Variants in SMARCD3 observed in about 807,000 individuals in gnomAD.
The protein encoded by SMARCD3 is SWI/SNF-related matrix-associated actin-dependent regulator of chromatin subfamily D member 3.
Under a neutral mutation model 58.0 loss-of-function variants are expected in SMARCD3, and 14 were observed. The observed-to-expected ratio is 0.24, with a 90% CI of 0.16 to 0.38. The LOEUF (loss-of-function observed/expected upper bound fraction) is 0.38. Ranked by LOEUF, SMARCD3 falls within the 10% of genes least tolerant of loss-of-function variation. SMARCD3 has a pLI of 1.00. For synonymous variants in SMARCD3, 253 were observed against 253.8 expected (o/e 1.00, Z 0.03); for missense variants, 408 against 636.9 (o/e 0.64, Z 3.87).
At position 151,246,634 on chromosome 7, in the gene SMARCD3, C is replaced by T. The variant is rs1485679530; in HGVS notation, c.79-963G>A. Among the ~76,000 whole-genome samples, 1 of 152,168 alleles carries T rather than the reference C, an allele frequency of 6.6e-6. No homozygotes were observed. Among genetic ancestry groups the T allele is most frequent in the Non-Finnish European group, 1.5e-5 (1 of 68,030 alleles). ...TCCCCACCCCAGTGAGGTCAGCAGT[C>T]AGGGTTCATGGGGGCTGTGGAGACT... On this transcript the variant is annotated intron_variant, in intron 1 of 12. Coordinates refer to ENST00000262188, the MANE Select transcript of SMARCD3 (RefSeq NM_001003801.2). The surrounding 1 kb of genome is among the most constrained non-coding windows in gnomAD (Gnocchi z 4.4).
At chr7:151,275,272 C>T in intron 1 of SMARCD3, 1 of 859,078 alleles carries the variant, frequency 1.2e-6, no homozygotes. Context: ...AGGTCAGACC[C>T]TGAGCCCCAG....
intron 2 of SMARCD3, among the ~76,000 whole-genome samples, chr7:151,270,708 G>A (rs1795149535): frequency 6.6e-6 from 1 of 152,178 alleles, no homozygotes; most frequent in African/African-American, 2.4e-5. Context: ...GTGAGGGCAC[G>A]AGAATGAAGC....
intron 2 of SMARCD3, among the ~76,000 whole-genome samples, chr7:151,256,180 CTT>C (rs79100193): frequency 2.8e-5 from 4 of 141,194 alleles, no homozygotes; most frequent in Non-Finnish European, 3.1e-5. Flanking sequence ...CTGCGCCTGG[CTT>C]TTTTTTTTTT....
chr7:151,271,342 C>A (rs943495130), intron 2 of SMARCD3, among the ~76,000 whole-genome samples: 3 of 152,098 alleles, frequency 2.0e-5, no homozygotes, highest in Admixed American at 2.0e-4. Context: ...TAAGCAAACC[C>A]AGGTTAGGGA....
chr7:151,267,777 G>A (rs1795045681), intron 2 of SMARCD3, among the ~76,000 whole-genome samples: 2 of 152,184 alleles, frequency 1.3e-5, no homozygotes, highest in African/African-American at 2.4e-5. Context: ...AAGAGTTTGA[G>A]ACCAGCCTGG....
rs1041458790 is a variant in SMARCD3 at position 151,240,804 on chromosome 7, G to A, written c.940-282C>T. The A allele has an allele frequency of 9.1e-6, 4 of 437,516 alleles. No homozygotes were observed. The Admixed American group carries it at 1.2e-4, about 13-fold the overall frequency. The allele number at this position is 437,516 out of a possible 1,614,324, so 27.1% of individuals were successfully genotyped here. A position where few individuals can be genotyped will look rare whatever the true frequency, so the allele number is the denominator to read the frequency against. ...CCTCTGCCACTTACTATGCAACCTG[G>A]AGCAAGTTAACACCTCAGGGCTCAG... On this transcript the variant is annotated intron_variant, in intron 8 of 12. Coordinates refer to ENST00000262188, the MANE Select transcript of SMARCD3 (RefSeq NM_001003801.2).
In SMARCD3 at chr7:151,248,068, A is replaced by T. The variant is rs1803358014; in HGVS notation, c.78+417T>A. On this transcript the variant is annotated intron_variant, in intron 1 of 12. Transcript: ENST00000262188. The surrounding 1 kb of genome is among the most constrained non-coding windows in gnomAD (Gnocchi z 6.1). ...TTGCTCCGGAGACACAAGCAGTGAC[A>T]CTGTCCCAACGGATGAACAGACAGC... is the stretch of plus-strand genomic sequence containing the variant. 6.6e-6 allele frequency among the ~76,000 whole-genome samples: 1 copy of T among 152,078 alleles called. No homozygotes were observed. The highest frequency in any genetic ancestry group is 6.5e-5 in the Admixed American group (1 of 15,290).
At chr7:151,256,827 T>C (rs1011011782) in intron 2 of SMARCD3, among the ~76,000 whole-genome samples, 10 of 152,112 alleles carry the variant, frequency 6.6e-5, no homozygotes, top group Non-Finnish European at 1.2e-4. Context: ...ACCCTCTGCC[T>C]GCCAGCAGCT....
chr7:151,245,388 G>T lies in SMARCD3; in HGVS notation c.290+72C>A. ...TCGCCCCTTCCAATCCCCGCTACTCGCTTACCTGGTCCCTGCGGGTCCCCC... is the reference window on the plus strand; with the variant it reads ...TCGCCCCTTCCAATCCCCGCTACTCTCTTACCTGGTCCCTGCGGGTCCCCC... On this transcript the variant is annotated intron_variant, in intron 2 of 12. Coordinates refer to ENST00000262188, the MANE Select transcript of SMARCD3 (RefSeq NM_001003801.2). The surrounding 1 kb of genome is among the most constrained non-coding windows in gnomAD (Gnocchi z 6.2). 1 of 566,340 alleles carries T rather than the reference G, an allele frequency of 1.8e-6. No homozygotes were observed. The highest frequency in any genetic ancestry group is 2.6e-6 in the Non-Finnish European group (1 of 383,368). The allele number at this position is 566,340 out of a possible 1,614,324, so 35.1% of individuals were successfully genotyped here. A position where few individuals can be genotyped will look rare whatever the true frequency, so the allele number is the denominator to read the frequency against.
chr7:151,245,367 C>T lies in SMARCD3; in HGVS notation c.290+93G>A, dbSNP rs537345352. 9.4e-5 allele frequency: 44 copies of T among 466,366 alleles called. No individual in the cohort carries two copies. The South Asian group carries it at 4.1e-3, about 44-fold the overall frequency. 28.9% of individuals were successfully genotyped at this position (466,366 alleles called of 1,614,324 possible). ...CTCCCTGCTAATCATTCTTCCTCGC[C>T]CCTTCCAATCCCCGCTACTCGCTTA... On this transcript the variant is annotated intron_variant, in intron 2 of 12. Coordinates refer to ENST00000262188, the MANE Select transcript of SMARCD3 (RefSeq NM_001003801.2). The surrounding 1 kb of genome is among the most constrained non-coding windows in gnomAD (Gnocchi z 6.2).
At chr7:151,266,265 C>T (rs1421210426) in intron 2 of SMARCD3, among the ~76,000 whole-genome samples, 2 of 151,830 alleles carry the variant, frequency 1.3e-5, no homozygotes, top group South Asian at 2.1e-4. Flanking sequence ...CCACCGCACC[C>T]GGCCATTTTT....
rs1319380857 is a variant in SMARCD3, at chr7:151,242,613, T to TA, written c.457-11dup. 1.9e-6 allele frequency: 3 copies of TA among 1,612,702 alleles called. No homozygotes were observed. The African/African-American group carries it at 4.0e-5, about 22-fold the overall frequency. On this transcript the variant is annotated splice_polypyrimidine_tract_variant and intron_variant, in intron 4 of 12. Transcript: ENST00000262188. This position sits in a 1 kb window ranked among gnomAD's most constrained non-coding sequence, Gnocchi z 4.7. ...GCAGCTTCCGCTTTTGCTGTAGAAATAGAGTGCAGAACCGGGCGAATGCTG... is the reference window on the plus strand; with the variant it reads ...GCAGCTTCCGCTTTTGCTGTAGAAATAAGAGTGCAGAACCGGGCGAATGCTG...
At position 151,243,828 on chromosome 7, in the gene SMARCD3, C is replaced by A; in HGVS notation, c.291-127G>T. 1 of 766,856 alleles carries A rather than the reference C, an allele frequency of 1.3e-6. No homozygotes were observed. The highest frequency in any genetic ancestry group is 2.4e-6 in the Non-Finnish European group (1 of 420,060). 47.5% of individuals were successfully genotyped at this position (766,856 alleles called of 1,614,324 possible). A position where few individuals can be genotyped will look rare whatever the true frequency, so the allele number is the denominator to read the frequency against. ...GGGTTCCCACAGCCCACTTGTCTGC[C>A]CGCCCAAGGGCTGTGACGGTGGTGT... On this transcript the variant is annotated intron_variant, in intron 2 of 12. Transcript: ENST00000262188. This position sits in a 1 kb window ranked among gnomAD's most constrained non-coding sequence, Gnocchi z 4.4.
chr7:151,245,803 A>T lies in SMARCD3; in HGVS notation c.79-132T>A. 1 of 381,404 alleles carries T rather than the reference A, an allele frequency of 2.6e-6. No individual in the cohort carries two copies. Among genetic ancestry groups the T allele is most frequent in the East Asian group, 3.7e-5 (1 of 26,898 alleles). The allele number at this position is 381,404 out of a possible 1,614,324, so 23.6% of individuals were successfully genotyped here. On this transcript the variant is annotated intron_variant, in intron 1 of 12. Transcript: ENST00000262188. This position sits in a 1 kb window ranked among gnomAD's most constrained non-coding sequence, Gnocchi z 6.2. ...GGCTGGTGACCCTGAGCGTTGAGCG[A>T]TGGGTGGGAGCGATGGGTAGGAGGG...
In SMARCD3 at chr7:151,239,043, C is replaced by T; in HGVS notation, c.*60G>A. 6.5e-7 allele frequency: 1 copy of T among 1,550,154 alleles called. No homozygotes were observed. The highest frequency in any genetic ancestry group is 8.9e-7 in the Non-Finnish European group (1 of 1,121,852). On this transcript the variant is annotated 3_prime_UTR_variant, in exon 13 of 13. Transcript: ENST00000262188. The surrounding 1 kb of genome is among the most constrained non-coding windows in gnomAD (Gnocchi z 7.0). ...AGAGGAGTGATGCTGGAGCCCGGGG[C>T]AAAATGCTGGGGCCCGGGACACGGC...
At chr7:151,257,345 T>G (rs542160357) in intron 2 of SMARCD3, among the ~76,000 whole-genome samples, 1 of 152,352 alleles carries the variant, frequency 6.6e-6, no homozygotes, top group Admixed American at 6.5e-5. Flanking sequence ...GAAATGCTCC[T>G]GGCAGGGCCA....
Position 151,245,482 on chromosome 7 carries a change from T to A in SMARCD3, c.268A>T (p.Thr90Ser). Residue 90 changes from threonine to serine, a missense_variant, in exon 2 of 13, where the codon ACC becomes TCC. By Grantham distance (58) the Thr-to-Ser change is moderately conservative. Coordinates refer to ENST00000262188, the MANE Select transcript of SMARCD3 (RefSeq NM_001003801.2). The surrounding 1 kb of genome is among the most constrained non-coding windows in gnomAD (Gnocchi z 6.2). Reference protein sequence around the residue: ...QAQSQGQPVPTAPARSRSAKR... With the variant: ...QAQSQGQPVPSAPARSRSAKR... ...CACCTGCGGCTCCGCGCGGGGGCGG[T>A]GGGCACCGGCTGGCCCTGGCTCTGT... is the stretch of plus-strand genomic sequence containing the variant. 1 of 1,223,426 alleles carries A rather than the reference T, an allele frequency of 8.2e-7. No individual in the cohort carries two copies. The highest frequency in any genetic ancestry group is 1.0e-6 in the Non-Finnish European group (1 of 981,938). 75.8% of individuals were successfully genotyped at this position (1,223,426 alleles called of 1,614,324 possible).
chr7:151,253,687 T>G (rs1803603204), upstream of SMARCD3, among the ~76,000 whole-genome samples: 1 of 152,086 alleles, frequency 6.6e-6, no homozygotes, highest in African/African-American at 2.4e-5. Context: ...AGGTGGTCGC[T>G]TGTAGCAGGT....
Position 151,242,285 on chromosome 7 carries a change from A to T in SMARCD3, c.580-53T>A. 6.7e-7 allele frequency: 1 copy of T among 1,496,752 alleles called. No homozygotes were observed. Among genetic ancestry groups the T allele is most frequent in the Non-Finnish European group, 9.3e-7 (1 of 1,073,396 alleles). 92.7% of individuals were successfully genotyped at this position (1,496,752 alleles called of 1,614,324 possible). A position where few individuals can be genotyped will look rare whatever the true frequency, so the allele number is the denominator to read the frequency against. On this transcript the variant is annotated intron_variant, in intron 5 of 12. Coordinates refer to ENST00000262188, the MANE Select transcript of SMARCD3 (RefSeq NM_001003801.2). This position sits in a 1 kb window ranked among gnomAD's most constrained non-coding sequence, Gnocchi z 4.7. Reference sequence around the variant, plus strand: ...GGCAGAACAGGGACGAGGTGGGAGGAGCAGAAGGAGGCCAAGTTGGCAGCC... The same window carrying T: ...GGCAGAACAGGGACGAGGTGGGAGGTGCAGAAGGAGGCCAAGTTGGCAGCC...
Sources: gnomAD v4.1 joint callset for allele counts (sites outside exome capture counted in the v4.1 genomes callset) on GRCh38, gnomAD v4.1.1 for gene constraint, Gnocchi (gnomAD v3.1) non-coding constraint, MANE v1.5 for transcripts, NCBI Gene and HGNC (gene_info 2026-07-23, HGNC 2026-07-21) for gene names.